The following NR1H4 variants were observed in gnomAD, a reference collection of about 807,000 sequenced individuals.
The protein encoded by NR1H4 is nuclear receptor subfamily 1 group H member 4, also known as bile acid receptor.
NR1H4 carries 23 observed loss-of-function variants against 58.5 expected under a neutral mutation model. The observed-to-expected ratio is 0.39, with a 90% CI of 0.28 to 0.56. The LOEUF is 0.56. NR1H4 is among the 20% of genes least tolerant of loss of function. The pLI is 0.58. For missense variants in NR1H4, 487 were observed against 576.9 expected (o/e 0.84, Z 1.60); for synonymous variants, 214 against 198.0 (o/e 1.08, Z -0.68).
intron 4 of NR1H4, among the ~76,000 whole-genome samples, chr12:100,514,304 T>C (rs1157958845): frequency 1.3e-5 from 2 of 152,220 alleles, no homozygotes; most frequent in African/African-American, 4.8e-5. Flanking sequence ...TGTAGTACCA[T>C]ATTTATAATA....
intron 9 of NR1H4, among the ~76,000 whole-genome samples, chr12:100,560,251 A>G (rs942935317): frequency 4.6e-5 from 7 of 152,204 alleles, no homozygotes; most frequent in African/African-American, 1.7e-4. Flanking sequence ...GGGTGGGGCC[A>G]GATAAGAGAA....
At chr12:100,502,772 TTGTCTTACATGGTGGTAGGCA>T (rs1307533437) in intron 3 of NR1H4, among the ~76,000 whole-genome samples, 5 of 152,192 alleles carry the variant, frequency 3.3e-5, no homozygotes, top group African/African-American at 4.8e-5. Context: ...CTAGATGATT[TTGTCTTACATGGTGGTAGGCA>T]TGTCTTACAT....
intron 8 of NR1H4, among the ~76,000 whole-genome samples, chr12:100,538,012 G>A (rs1335325937): frequency 6.6e-6 from 1 of 152,096 alleles, no homozygotes; most frequent in East Asian, 1.9e-4. Flanking sequence ...GTCTGGCCGA[G>A]AAATCTGCTT....
chr12:100,560,755 A>G (rs1231090692), intron 9 of NR1H4, among the ~76,000 whole-genome samples: 1 of 152,248 alleles, frequency 6.6e-6, no homozygotes, highest in Non-Finnish European at 1.5e-5. Flanking sequence ...TAGGAAGGCC[A>G]GTAAAGAGGC....
chr12:100,533,259 C>A (rs1479494528), intron 5 of NR1H4, among the ~76,000 whole-genome samples: 2 of 152,280 alleles, frequency 1.3e-5, no homozygotes, highest in African/African-American at 4.8e-5. Flanking sequence ...ATTAATTTTT[C>A]ATTCTGCAAA....
chr12:100,508,723 A>G (rs1443491488), intron 3 of NR1H4, among the ~76,000 whole-genome samples: 1 of 152,190 alleles, frequency 6.6e-6, no homozygotes, highest in Admixed American at 6.5e-5. Flanking sequence ...ATGTGGTAAT[A>G]GTAATCATAA....
At chr12:100,516,618 G>T (rs141897385) in intron 4 of NR1H4, among the ~76,000 whole-genome samples, 3,981 of 152,040 alleles carry the variant, frequency 0.026, 148 homozygotes, top group African/African-American at 0.083. Flanking sequence ...CGCCCGCCTC[G>T]GCCTCCCAAA....
chr12:100,535,123 A>T, intron 6 of NR1H4, 100 bp downstream of exon 6: 1 of 1,335,608 alleles, frequency 7.5e-7, no homozygotes, highest in Non-Finnish European at 1.1e-6. Context: ...CCACAGGCAC[A>T]GCTGAATTTC....
intron 9 of NR1H4, among the ~76,000 whole-genome samples, chr12:100,557,375 C>G (rs1955353621): frequency 6.6e-6 from 1 of 152,186 alleles, no homozygotes; most frequent in Non-Finnish European, 1.5e-5. Flanking sequence ...GGGCACCAAG[C>G]CATTCATGAG....
chr12:100,510,212 C>A (rs1036020365), intron 3 of NR1H4, among the ~76,000 whole-genome samples: 91 of 152,128 alleles, frequency 6.0e-4, no homozygotes, highest in African/African-American at 2.1e-3. Flanking sequence ...AAGCATATTT[C>A]TAAAATAAAT....
At chr12:100,561,851 A>G (rs761419744) in intron 9 of NR1H4, 34 bp from the exon 10 acceptor site, 9 of 907,506 alleles carry the variant, frequency 9.9e-6, no homozygotes, top group Admixed American at 6.8e-5. Context: ...TAGTCACTCA[A>G]AAATTGTATT....
At chr12:100,547,934 A>C (rs1456713856) in intron 9 of NR1H4, among the ~76,000 whole-genome samples, 2 of 149,998 alleles carry the variant, frequency 1.3e-5, no homozygotes, top group Non-Finnish European at 3.0e-5. Flanking sequence ...GTTAGCCAGG[A>C]TGGTCTCGAT....
chr12:100,545,077 TTCTA>T (rs1955028251), intron 9 of NR1H4, among the ~76,000 whole-genome samples: 1 of 152,106 alleles, frequency 6.6e-6, no homozygotes, highest in African/African-American at 2.4e-5. Context: ...CTGGTGGTTG[TTCTA>T]TCTTTCTTTC....
intron 9 of NR1H4, among the ~76,000 whole-genome samples, chr12:100,551,962 AG>A (rs1475996394): frequency 6.6e-6 from 1 of 152,248 alleles, no homozygotes; most frequent in East Asian, 1.9e-4. Flanking sequence ...AATAATGACA[AG>A]AAAAAAGTCT....
At chr12:100,523,629 G>A (rs2136204858) in intron 4 of NR1H4, among the ~76,000 whole-genome samples, 1 of 152,166 alleles carries the variant, frequency 6.6e-6, no homozygotes, top group East Asian at 1.9e-4. Context: ...TGATGTACCT[G>A]GCACTCTTAC....
intron 3 of NR1H4, among the ~76,000 whole-genome samples, chr12:100,502,018 G>T (rs1196043492): frequency 6.6e-6 from 1 of 152,158 alleles, no homozygotes; most frequent in East Asian, 1.9e-4. Flanking sequence ...TATTCAATAA[G>T]CAACCCAAGG....
intron 9 of NR1H4, among the ~76,000 whole-genome samples, chr12:100,541,022 CA>C (rs1954922959): frequency 6.6e-6 from 1 of 152,074 alleles, no homozygotes; most frequent in South Asian, 2.1e-4. Context: ...AACAAAGTAG[CA>C]AAACTACCCC....
At chr12:100,487,727 T>C (rs1953524552) in intron 1 of NR1H4, among the ~76,000 whole-genome samples, 1 of 151,376 alleles carries the variant, frequency 6.6e-6, no homozygotes, top group Non-Finnish European at 1.5e-5. Context: ...TTCTCCTGCC[T>C]CAGCCTCCTG....
intron 4 of NR1H4, among the ~76,000 whole-genome samples, chr12:100,523,271 A>T (rs1223052738): frequency 6.6e-6 from 1 of 152,102 alleles, no homozygotes; most frequent in Non-Finnish European, 1.5e-5. Context: ...GTAGTATCTC[A>T]TTGTCATTTT....
Sources: gnomAD v4.1 joint callset for allele counts (sites outside exome capture counted in the v4.1 genomes callset) on GRCh38, gnomAD v4.1.1 for gene constraint, MANE v1.5 for transcripts, NCBI Gene and HGNC (gene_info 2026-07-23, HGNC 2026-07-21) for gene names.